Variants in HEBP2 observed in about 807,000 individuals in gnomAD.
HEBP2 encodes the protein heme-binding protein 2.
HEBP2 carries 27 observed loss-of-function variants against 23.1 expected under a neutral mutation model. The observed-to-expected ratio is 1.17, with a 90% CI of 0.86 to 1.61. The LOEUF (loss-of-function observed/expected upper bound fraction) is 1.61, where lower values mean the gene tolerates loss of function less well. Ranked by LOEUF, HEBP2 falls within the 40% of genes most tolerant of loss-of-function variation. HEBP2 has a pLI of 0.00. For synonymous variants in HEBP2, 99 were observed against 95.1 expected (o/e 1.04, Z -0.24); for missense variants, 245 against 253.8 (o/e 0.97, Z 0.24).
Position 138,420,542 on chromosome 6 carries a change from T to C in HEBP2, c.*7464T>C, listed in dbSNP as rs1774905493. On this transcript the variant is annotated 3_prime_UTR_variant, in exon 4 of 4. Transcript: ENST00000607197. ...AGCTGCTACTTCACCAGGATCCACC[T>C]TAGCTTTCAAGCTGAGGTCACGCTA... The C allele has an allele frequency of 6.6e-6, 1 of 152,166 alleles. No individual in the cohort carries two copies. Among genetic ancestry groups the C allele is most frequent in the South Asian group, 2.1e-4 (1 of 4,826 alleles). 9.4% of individuals were successfully genotyped at this position (152,166 alleles called of 1,614,324 possible).
rs1452987606 is a variant in HEBP2, at chr6:138,414,375, A to T, written c.*1297A>T. On this transcript the variant is annotated 3_prime_UTR_variant, in exon 4 of 4. Coordinates refer to ENST00000607197, the MANE Select transcript of HEBP2 (RefSeq NM_014320.3). The stretch of plus-strand genomic sequence containing the variant: ...TTGTGGGGATGCAGTTACCAGAGTG[A>T]GGCCGCTGCTGATTAGCATGATTTA... 6.6e-6 allele frequency: 1 copy of T among 152,206 alleles called. No individual in the cohort carries two copies. The highest frequency in any genetic ancestry group is 1.5e-5 in the Non-Finnish European group (1 of 68,046). 9.4% of individuals were successfully genotyped at this position (152,206 alleles called of 1,614,324 possible). A position where few individuals can be genotyped will look rare whatever the true frequency, so the allele number is the denominator to read the frequency against.
At chr6:138,406,794 AGGCAGGTG>A (rs1353898390) in intron 3 of HEBP2, among the ~76,000 whole-genome samples, 1 of 152,166 alleles carries the variant, frequency 6.6e-6, no homozygotes, top group Non-Finnish European at 1.5e-5. Flanking sequence ...TGGGAGGCTG[AGGCAGGTG>A]GATCACTTGA....
At position 138,416,470 on chromosome 6, in the gene HEBP2, A is replaced by G. The variant is rs1774843810; in HGVS notation, c.*3392A>G. ...CCATCCTTCAGCAAGGCTGCTGGGA[A>G]TGCACTGATAAGCGGGCTTGGGCAT... On this transcript the variant is annotated 3_prime_UTR_variant, in exon 4 of 4. Transcript: ENST00000607197. The G allele has an allele frequency of 1.3e-5, 2 of 152,376 alleles. No homozygotes were observed. The highest frequency in any genetic ancestry group is 4.8e-5 in the African/African-American group (2 of 41,466). 9.4% of individuals were successfully genotyped at this position (152,376 alleles called of 1,614,324 possible). A position where few individuals can be genotyped will look rare whatever the true frequency, so the allele number is the denominator to read the frequency against.
At chr6:138,407,668 C>A (rs1774672870) in intron 3 of HEBP2, among the ~76,000 whole-genome samples, 1 of 152,236 alleles carries the variant, frequency 6.6e-6, no homozygotes, top group Non-Finnish European at 1.5e-5. Flanking sequence ...ATTGGGGACT[C>A]ACTGCAGTAG....
At chr6:138,405,071 TG>T in intron 1 of HEBP2, 73 bp from the exon 2 acceptor site, 1 of 1,532,974 alleles carries the variant, frequency 6.5e-7, no homozygotes, top group Non-Finnish European at 8.9e-7. Context: ...CCCGAGATCA[TG>T]GCACCGGTAT....
chr6:138,405,089 A>G (rs1774618146), intron 1 of HEBP2, 56 bp from the exon 2 acceptor site: 1 of 1,576,262 alleles, frequency 6.3e-7, no homozygotes, highest in African/African-American at 1.4e-5. Context: ...GTATTTTTGC[A>G]TCTCACTCCT....
Position 138,419,081 on chromosome 6 carries a change from C to G in HEBP2, c.*6003C>G, listed in dbSNP as rs922367261. On this transcript the variant is annotated 3_prime_UTR_variant, in exon 4 of 4. Coordinates refer to ENST00000607197, the MANE Select transcript of HEBP2 (RefSeq NM_014320.3). ...CTAAACAACCAAGTAGATGAAATGA[C>G]TTAGCCTGTTCTATTAGCTTTTGCC... 1 of 152,198 alleles carries G rather than the reference C, an allele frequency of 6.6e-6. No individual in the cohort carries two copies. Among genetic ancestry groups the G allele is most frequent in the Admixed American group, 6.5e-5 (1 of 15,292 alleles). The allele number at this position is 152,198 out of a possible 1,614,324, so 9.4% of individuals were successfully genotyped here.
rs909061053 is a variant in HEBP2 at position 138,420,230 on chromosome 6, G to C, written c.*7152G>C. 4.6e-5 allele frequency: 7 copies of C among 152,116 alleles called. No individual in the cohort carries two copies. The highest frequency in any genetic ancestry group is 1.7e-4 in the African/African-American group (7 of 41,390). 9.4% of individuals were successfully genotyped at this position (152,116 alleles called of 1,614,324 possible). ...CAGCAAAGATGACAGTTGTGGGTGA[G>C]GGGAATTTAGAATGAAGCAGGGAGT... On this transcript the variant is annotated 3_prime_UTR_variant, in exon 4 of 4. Coordinates refer to ENST00000607197, the MANE Select transcript of HEBP2 (RefSeq NM_014320.3).
chr6:138,410,479 CTTTTTTT>C (rs59336303), intron 3 of HEBP2, among the ~76,000 whole-genome samples: 1 of 134,894 alleles, frequency 7.4e-6, no homozygotes, highest in Non-Finnish European at 1.6e-5. Context: ...ATGTTTCTTT[CTTTTTTT>C]TTTTTTTTTT....
chr6:138,412,117 C>T (rs779497445), intron 3 of HEBP2: 16 of 437,878 alleles, frequency 3.7e-5, no homozygotes, highest in Admixed American at 2.6e-4. Context: ...AAGTGAAAAT[C>T]GAGTCTGGAA....
chr6:138,404,256 G>C lies in HEBP2; in HGVS notation c.-240G>C, dbSNP rs1774590186. On this transcript the variant is annotated 5_prime_UTR_variant, in exon 1 of 4. Transcript: ENST00000607197. ...CCGCGGAGGGGCGGGGGCAGGACGC[G>C]CAACTCCGGCCGGAGCTGTCCGGGG... The C allele has an allele frequency of 2.2e-5, 7 of 316,658 alleles. No homozygotes were observed. The Admixed American group carries it at 3.0e-4, about 14-fold the overall frequency. The allele number at this position is 316,658 out of a possible 1,614,324, so 19.6% of individuals were successfully genotyped here. A position where few individuals can be genotyped will look rare whatever the true frequency, so the allele number is the denominator to read the frequency against.
At position 138,404,526 on chromosome 6, in the gene HEBP2, GC is replaced by G; in HGVS notation, c.32del (p.Ala11GlyfsTer59). 7.6e-7 allele frequency: 1 copy of G among 1,316,274 alleles called. No homozygotes were observed. The highest frequency in any genetic ancestry group is 9.7e-7 in the Non-Finnish European group (1 of 1,032,330). 81.5% of individuals were successfully genotyped at this position (1,316,274 alleles called of 1,614,324 possible). ...CGAGCCGCTCCAGCCAGACCCCGGG[GC>G]GGCCGAGGACGCGGCGGCCCAAGCT... MAEPLQPDPG[A>X]AEDAAAQAVE... On this transcript the variant is annotated frameshift_variant, in exon 1 of 4. Coordinates refer to ENST00000607197, the MANE Select transcript of HEBP2 (RefSeq NM_014320.3). LOFTEE classifies it high-confidence loss of function.
At chr6:138,409,654 CT>C (rs1774710302) in intron 3 of HEBP2, among the ~76,000 whole-genome samples, 1 of 152,216 alleles carries the variant, frequency 6.6e-6, no homozygotes, top group Non-Finnish European at 1.5e-5. Flanking sequence ...GAACTGTCAT[CT>C]TTCTTACCAC....
intron 3 of HEBP2, chr6:138,411,970 G>C (rs946140634): frequency 2.6e-6 from 1 of 384,770 alleles, no homozygotes; most frequent in African/African-American, 2.2e-5. Context: ...AAAAACCTCA[G>C]GATGTATAGA....
At chr6:138,406,883 T>C in intron 3 of HEBP2, among the ~76,000 whole-genome samples, 1 of 151,888 alleles carries the variant, frequency 6.6e-6, no homozygotes, top group African/African-American at 2.4e-5. Context: ...ATATATATAT[T>C]AGCCAGGCCT....
intron 3 of HEBP2, among the ~76,000 whole-genome samples, chr6:138,408,344 A>C (rs1373801410): frequency 6.6e-6 from 1 of 152,248 alleles, no homozygotes; most frequent in African/African-American, 2.4e-5. Flanking sequence ...TGCTTAGAAA[A>C]TGTTCAGCCA....
chr6:138,410,332 C>A (rs1774722925), intron 3 of HEBP2, among the ~76,000 whole-genome samples: 1 of 151,998 alleles, frequency 6.6e-6, no homozygotes, highest in African/African-American at 2.4e-5. Context: ...AGTCAGAGAA[C>A]AAAAGCTTAT....
chr6:138,412,759 G>C lies in HEBP2; in HGVS notation c.420-121G>C, dbSNP rs1490632753. 6.1e-6 allele frequency: 5 copies of C among 821,634 alleles called. No homozygotes were observed. The East Asian group carries it at 1.0e-4, about 17-fold the overall frequency. The allele number at this position is 821,634 out of a possible 1,614,324, so 50.9% of individuals were successfully genotyped here. ...GTGAGCCACCTCGCCTGGCCGAGAG[G>C]GAGTAACTTTGGAGCTGCACTTCAC... On this transcript the variant is annotated intron_variant, in intron 3 of 3. Coordinates refer to ENST00000607197, the MANE Select transcript of HEBP2 (RefSeq NM_014320.3).
chr6:138,409,953 G>T (rs1452993240), intron 3 of HEBP2, among the ~76,000 whole-genome samples: 1 of 152,172 alleles, frequency 6.6e-6, no homozygotes, highest in Admixed American at 6.5e-5. Context: ...ATGAAGATCG[G>T]ATGAGTTAAT....
Sources: gnomAD v4.1 joint callset for allele counts (sites outside exome capture counted in the v4.1 genomes callset) on GRCh38, gnomAD v4.1.1 for gene constraint, MANE v1.5 for transcripts, NCBI Gene and HGNC (gene_info 2026-07-23, HGNC 2026-07-21) for gene names.